The following TJAP1 variants were observed in gnomAD, a reference collection of about 807,000 sequenced individuals.
TJAP1 encodes the protein tight junction-associated protein 1.
TJAP1 carries 27 observed loss-of-function variants against 42.0 expected under a neutral mutation model. The ratio of observed to expected loss-of-function variants is 0.64; its 90% CI spans 0.47 to 0.89. The LOEUF (loss-of-function observed/expected upper bound fraction) is 0.89. TJAP1 is among the 40% of genes least tolerant of loss of function. TJAP1 has a pLI of 0.00. For synonymous variants in TJAP1, 257 were observed against 288.4 expected (o/e 0.89, Z 1.10); for missense variants, 712 against 726.9 (o/e 0.98, Z 0.24).
Position 43,502,074 on chromosome 6 carries a change from A to ACTCTCTCT in TJAP1, c.291-208_291-207insTCTCTCTC, listed in dbSNP as rs1419078417. 2.7e-4 allele frequency among the ~76,000 whole-genome samples: 26 copies of ACTCTCTCT among 94,740 alleles called. 3 individuals carry two copies. The highest frequency in any genetic ancestry group is 1.0e-3 in the African/African-American group (19 of 18,206). 62.2% of individuals were successfully genotyped at this position (94,740 alleles called of 152,430 possible). ...CACACACACACACACACACACACAC[A>ACTCTCTCT]CACTCTCTCTCTCTCTCTCTCTCTC... On this transcript the variant is annotated intron_variant, in intron 6 of 10. Coordinates refer to ENST00000372449, the Ensembl canonical transcript of TJAP1.
intron 2 of TJAP1, among the ~76,000 whole-genome samples, chr6:43,485,611 A>G (rs1323140064): frequency 5.3e-5 from 8 of 152,112 alleles, no homozygotes; most frequent in Admixed American, 3.3e-4. Context: ...ACTCAACCAC[A>G]CTGTACTGGA....
chr6:43,501,758 A>ACTCTCT (rs1283037495), intron 6 of TJAP1, 71 bp downstream of exon 6: 6 of 493,634 alleles, frequency 1.2e-5, no homozygotes, highest in African/African-American at 3.4e-5. Flanking sequence ...ACACACACAC[A>ACTCTCT]CTCTCTCTGT....
exon 11 of TJAP1, chr6:43,504,985 G>A: frequency 6.2e-7 from 1 of 1,614,104 alleles, no homozygotes; most frequent in South Asian, 1.1e-5. Context: ...ACATGAGTGA[G>A]GGTGTCCCAG....
At chr6:43,478,552 CA>C (rs1784683337) in intron 2 of TJAP1, 1 of 152,256 alleles carries the variant, frequency 6.6e-6, no homozygotes, top group Admixed American at 6.5e-5. Flanking sequence ...TCAATATCCC[CA>C]TCACTTCTTC....
chr6:43,500,299 T>C (rs1790235807), intron 4 of TJAP1, among the ~76,000 whole-genome samples: 1 of 152,236 alleles, frequency 6.6e-6, no homozygotes, highest in Non-Finnish European at 1.5e-5. Flanking sequence ...AGAGCCTGAT[T>C]CTGCCTTTGT....
intron 6 of TJAP1, 88 bp from the exon 7 acceptor site, chr6:43,502,195 T>G (rs1261164552): frequency 7.4e-7 from 1 of 1,342,700 alleles, no homozygotes; most frequent in Non-Finnish European, 1.1e-6. Flanking sequence ...GAGAATGACA[T>G]GTTCAAGATC....
chr6:43,496,502 C>A (rs896866701), intron 2 of TJAP1, among the ~76,000 whole-genome samples: 9 of 152,234 alleles, frequency 5.9e-5, no homozygotes, highest in Admixed American at 1.3e-4. Context: ...CGTTCTGCCT[C>A]CTGTCAGGGG....
rs542401910 is a variant in TJAP1, at chr6:43,499,130, G to A, written c.99+30G>A. ...GCAAGACTGGTATCACAGCCTGACCGGCAGAGGCAAGGCCCCTGAGGCTGG... is the reference window on the plus strand; with the variant it reads ...GCAAGACTGGTATCACAGCCTGACCAGCAGAGGCAAGGCCCCTGAGGCTGG... On this transcript the variant is annotated intron_variant, in intron 4 of 10. Coordinates refer to ENST00000372449, the Ensembl canonical transcript of TJAP1. 3.4e-5 allele frequency: 54 copies of A among 1,611,184 alleles called. 1 individual carries two copies. In the Middle Eastern group the frequency reaches 6.6e-4, roughly 20 times the overall value.
chr6:43,492,104 C>T lies in TJAP1; in HGVS notation c.-121-5777C>T, dbSNP rs1365208970. 6.6e-6 allele frequency among the ~76,000 whole-genome samples: 1 copy of T among 152,112 alleles called. No homozygotes were observed. The highest frequency in any genetic ancestry group is 1.5e-5 in the Non-Finnish European group (1 of 68,018). ...TTGCCTGGCTCTTTAGCCCCTTGTT[C>T]CTGTGAAGTGTTTGTCTGGATGTGA... On this transcript the variant is annotated intron_variant, in intron 2 of 10. Coordinates refer to ENST00000372449, the Ensembl canonical transcript of TJAP1. This position sits in a 1 kb window ranked among gnomAD's most constrained non-coding sequence, Gnocchi z 4.2.
chr6:43,489,071 A>G (rs568845994), intron 2 of TJAP1, among the ~76,000 whole-genome samples: 1 of 152,244 alleles, frequency 6.6e-6, no homozygotes, highest in East Asian at 1.9e-4. Context: ...CCCTCTGCTA[A>G]GCATCAGTGG....
chr6:43,489,947 G>A (rs1172971122), intron 2 of TJAP1: 1 of 152,330 alleles, frequency 6.6e-6, no homozygotes, highest in Non-Finnish European at 1.5e-5. Flanking sequence ...TATATGGAGT[G>A]CCTGGAGGGC....
intron 2 of TJAP1, among the ~76,000 whole-genome samples, chr6:43,488,438 G>A (rs1441386038): frequency 6.6e-6 from 1 of 152,200 alleles, no homozygotes; most frequent in African/African-American, 2.4e-5. Context: ...TTTATTCTGA[G>A]ATGAAATTGG....
Position 43,505,821 on chromosome 6 carries a change from C to A in TJAP1, c.1640C>A (p.Thr547Asn). 1 of 1,492,228 alleles carries A rather than the reference C, an allele frequency of 6.7e-7. No homozygotes were observed. The highest frequency in any genetic ancestry group is 2.4e-5 in the Admixed American group (1 of 41,914). 92.4% of individuals were successfully genotyped at this position (1,492,228 alleles called of 1,614,324 possible). A position where few individuals can be genotyped will look rare whatever the true frequency, so the allele number is the denominator to read the frequency against. The stretch of plus-strand genomic sequence containing the variant: ...CACCTGCACCGCAAGGACAGCCTGA[C>A]CCAGGCCCAGGAGCAGGGCAACCTG... Residue 547 changes from threonine to asparagine, a missense_variant, in exon 11 of 11, where the codon ACC becomes AAC. Thr to Asn is a moderately conservative substitution (Grantham distance 65). Transcript: ENST00000372449. This position sits in a 1 kb window ranked among gnomAD's most constrained non-coding sequence, Gnocchi z 5.5.
At chr6:43,504,764 C>G (rs1396356202) in exon 11 of TJAP1, 9 of 1,609,544 alleles carry the variant, frequency 5.6e-6, no homozygotes, top group Non-Finnish European at 7.7e-6. Flanking sequence ...ACCTCAGCTG[C>G]CCTGTGAGCT....
chr6:43,504,203 C>G, intron 10 of TJAP1: 1 of 237,162 alleles, frequency 4.2e-6, no homozygotes, highest in Non-Finnish European at 8.5e-6. Context: ...CAACCTCCGC[C>G]TCCCGGCTTC....
intron 2 of TJAP1, among the ~76,000 whole-genome samples, chr6:43,489,284 C>T (rs866322193): frequency 3.0e-4 from 46 of 152,172 alleles, no homozygotes; most frequent in African/African-American, 1.1e-3. Flanking sequence ...GCTCGTGTTG[C>T]TTGTTCTGAG....
intron 2 of TJAP1, among the ~76,000 whole-genome samples, chr6:43,488,637 A>G (rs1343843929): frequency 2.0e-5 from 3 of 152,184 alleles, no homozygotes; most frequent in Non-Finnish European, 4.4e-5. Context: ...TGAATTAGCC[A>G]TGTCACTTGC....
intron 2 of TJAP1, among the ~76,000 whole-genome samples, chr6:43,480,993 T>A (rs892979701): frequency 5.3e-5 from 8 of 152,308 alleles, no homozygotes; most frequent in Admixed American, 5.2e-4. Context: ...TTTTTTTCTT[T>A]AGGTTGGTAT....
chr6:43,502,275 C>T lies in TJAP1; in HGVS notation c.291-8C>T. 1 of 1,613,884 alleles carries T rather than the reference C, an allele frequency of 6.2e-7. No individual in the cohort carries two copies. The highest frequency in any genetic ancestry group is 8.5e-7 in the Non-Finnish European group (1 of 1,179,982). On this transcript the variant is annotated splice_region_variant and splice_polypyrimidine_tract_variant and intron_variant, in intron 6 of 10. Transcript: ENST00000372449. ...CCCAGGGATGTGCCTTGTATTATCC[C>T]TTTTCAGGCTGCAGAACAGCTACAC... is the stretch of plus-strand genomic sequence containing the variant.
Sources: allele counts gnomAD v4.1 joint callset (sites outside exome capture counted in the v4.1 genomes callset), GRCh38; gene constraint gnomAD v4.1.1; non-coding constraint Gnocchi (gnomAD v3.1); transcripts MANE v1.5; gene names NCBI Gene and HGNC (gene_info 2026-07-23, HGNC 2026-07-21).